Variants in LRFN5 observed in about 807,000 individuals in gnomAD.
LRFN5 encodes the protein leucine rich repeat and fibronectin type III domain containing 5, also known as leucine-rich repeat and fibronectin type-III domain-containing protein 5.
A neutral mutation model predicts 45.6 loss-of-function variants in LRFN5; 24 were observed. The observed-to-expected ratio is 0.53, with a 90% CI of 0.38 to 0.74. The LOEUF (loss-of-function observed/expected upper bound fraction) is 0.74, where lower values mean the gene tolerates loss of function less well. Ranked by LOEUF, LRFN5 falls within the 30% of genes least tolerant of loss-of-function variation. LRFN5 has a pLI of 0.00. For synonymous variants in LRFN5, 340 were observed against 313.8 expected, an observed-to-expected ratio of 1.08 and a Z score of -0.88; for missense variants, 776 against 861.5, an observed-to-expected ratio of 0.90 and a Z score of 1.24.
intron 1 of LRFN5, among the ~76,000 whole-genome samples, chr14:41,745,351 T>C (rs58644188): frequency 0.17 from 25,211 of 151,950 alleles, 2,195 homozygotes; most frequent in Admixed American, 0.19. Flanking sequence ...AAAATCATAA[T>C]ATATCAAAAC....
intron 2 of LRFN5, among the ~76,000 whole-genome samples, chr14:41,792,276 C>T (rs924298043): frequency 3.3e-5 from 5 of 152,086 alleles, no homozygotes; most frequent in East Asian, 1.9e-4. Context: ...GGGAACAGGA[C>T]GAAAGGCAAA....
chr14:41,658,176 C>A (rs1313631431), intron 1 of LRFN5, among the ~76,000 whole-genome samples: 1 of 151,912 alleles, frequency 6.6e-6, no homozygotes, highest in African/African-American at 2.4e-5. Context: ...GAGACAATAG[C>A]TTTTGTATTT....
At chr14:41,811,317 T>G (rs78201754) in intron 2 of LRFN5, among the ~76,000 whole-genome samples, 1 of 152,060 alleles carries the variant, frequency 6.6e-6, no homozygotes, top group East Asian at 1.9e-4. Context: ...CATATATTGC[T>G]GATGGGAGTG....
intron 2 of LRFN5, among the ~76,000 whole-genome samples, chr14:41,876,277 CTTTTTTTTTT>C (rs34291427): frequency 0.015 from 1,490 of 100,612 alleles, 28 homozygotes; most frequent in African/African-American, 0.054. Flanking sequence ...CTTTTTCTTT[CTTTTTTTTTT>C]TTTTTTTTTT....
At chr14:41,855,373 A>T (rs909283741) in intron 2 of LRFN5, among the ~76,000 whole-genome samples, 3 of 152,162 alleles carry the variant, frequency 2.0e-5, no homozygotes, top group African/African-American at 7.2e-5. Context: ...TTGGAAGTAG[A>T]TAATGAGCCT....
intron 1 of LRFN5, among the ~76,000 whole-genome samples, chr14:41,669,522 CT>C (rs1174199858): frequency 2.0e-5 from 3 of 151,372 alleles, no homozygotes; most frequent in South Asian, 2.1e-4. Context: ...AATGATTGAA[CT>C]TTTTTTTTGA....
intron 2 of LRFN5, among the ~76,000 whole-genome samples, chr14:41,791,913 A>G (rs1283256587): frequency 6.6e-6 from 1 of 152,160 alleles, no homozygotes; most frequent in Non-Finnish European, 1.5e-5. Context: ...TATAAGCAAT[A>G]CAGTTCCTTT....
At chr14:41,880,789 C>T (rs1001583344) in intron 2 of LRFN5, among the ~76,000 whole-genome samples, 1 of 152,120 alleles carries the variant, frequency 6.6e-6, no homozygotes, top group Admixed American at 6.5e-5. Context: ...CGTGTCATTT[C>T]ATGTGTTTTG....
chr14:41,902,131 A>G (rs901531833), intron 5 of LRFN5, among the ~76,000 whole-genome samples: 6 of 151,900 alleles, frequency 3.9e-5, no homozygotes, highest in Non-Finnish European at 8.8e-5. Context: ...ATTTAATGTC[A>G]GGATTTTTTT....
intron 5 of LRFN5, among the ~76,000 whole-genome samples, chr14:41,900,298 A>T (rs1167459395): frequency 6.6e-6 from 1 of 152,090 alleles, no homozygotes; most frequent in East Asian, 1.9e-4. Context: ...TTACCAATTT[A>T]AAGAATTTTT....
intron 2 of LRFN5, among the ~76,000 whole-genome samples, chr14:41,776,561 A>G (rs756241563): frequency 7.2e-5 from 11 of 152,116 alleles, no homozygotes; most frequent in Admixed American, 3.9e-4. Context: ...AAACATTTTT[A>G]TACTTAATAA....
At chr14:41,718,485 C>T (rs545820968) in intron 1 of LRFN5, among the ~76,000 whole-genome samples, 10 of 152,084 alleles carry the variant, frequency 6.6e-5, no homozygotes, top group Non-Finnish European at 1.5e-4. Flanking sequence ...GTTATTATAA[C>T]CATTTTAAGC....
chr14:41,768,532 C>G (rs943595886), intron 2 of LRFN5, among the ~76,000 whole-genome samples: 3 of 151,876 alleles, frequency 2.0e-5, no homozygotes, highest in Non-Finnish European at 4.4e-5. Flanking sequence ...CTTTAGATTT[C>G]CATTAAATAA....
At chr14:41,715,998 T>A (rs1883478395) in intron 1 of LRFN5, among the ~76,000 whole-genome samples, 1 of 152,202 alleles carries the variant, frequency 6.6e-6, no homozygotes, top group African/African-American at 2.4e-5. Context: ...AGTTCTTGAC[T>A]TCTCTGCACT....
At chr14:41,635,877 G>T (rs1184750610) in intron 1 of LRFN5, among the ~76,000 whole-genome samples, 1 of 152,046 alleles carries the variant, frequency 6.6e-6, no homozygotes, top group Admixed American at 6.6e-5. Flanking sequence ...GTCCATACTA[G>T]TTTCTAATTC....
At chr14:41,893,474 C>G in intron 4 of LRFN5, 1 of 984,730 alleles carries the variant, frequency 1.0e-6, no homozygotes, top group Non-Finnish European at 1.2e-6. Context: ...GCCATAATAT[C>G]ATAAGATAGG....
intron 1 of LRFN5, among the ~76,000 whole-genome samples, chr14:41,728,723 T>G (rs1054039133): frequency 2.0e-5 from 3 of 152,164 alleles, no homozygotes; most frequent in Non-Finnish European, 2.9e-5. Context: ...GCCTTCTATA[T>G]TGAAGCCAAA....
chr14:41,762,496 T>A (rs1193028647), intron 1 of LRFN5, among the ~76,000 whole-genome samples: 1 of 152,148 alleles, frequency 6.6e-6, no homozygotes, highest in Admixed American at 6.5e-5. Flanking sequence ...AATCATTGCC[T>A]CTAATTTACT....
intron 1 of LRFN5, among the ~76,000 whole-genome samples, chr14:41,614,424 T>G (rs183386363): frequency 4.3e-4 from 66 of 152,276 alleles, no homozygotes; most frequent in African/African-American, 1.5e-3. Context: ...TGTTCAAATA[T>G]CAGGCACTTA....
Sources: allele counts gnomAD v4.1 joint callset (sites outside exome capture counted in the v4.1 genomes callset), GRCh38; gene constraint gnomAD v4.1.1; transcripts MANE v1.5; gene names NCBI Gene and HGNC (gene_info 2026-07-23, HGNC 2026-07-21).